Variants in MSH6 observed in about 807,000 individuals in gnomAD.
MSH6 encodes DNA mismatch repair protein Msh6.
In MSH6, 85 loss-of-function variants were observed where a neutral mutation model predicts 119.1. The ratio of observed to expected loss-of-function variants is 0.71; its 90% CI spans 0.60 to 0.85. MSH6 has a LOEUF of 0.85. MSH6 is among the 40% of genes least tolerant of loss of function. MSH6 has a pLI of 0.00. For synonymous variants in MSH6, 830 were observed against 586.9 expected, an observed-to-expected ratio of 1.41 and a Z score of -5.99; for missense variants, 2,163 against 1,655.3, an observed-to-expected ratio of 1.31 and a Z score of -5.32.
chr2:47,806,156 GTTTTAATTCC>G, intron 7 of MSH6, 38 bp from the exon 8 acceptor site: 3 of 1,463,252 alleles, frequency 2.1e-6, no homozygotes, highest in Non-Finnish European at 2.9e-6. Flanking sequence ...TTCCTTTTTT[GTTTTAATTCC>G]TTTGAGTTAC....
intron 5 of MSH6, 125 bp from the exon 6 acceptor site, chr2:47,804,785 C>A: frequency 3.8e-6 from 3 of 781,458 alleles, no homozygotes; most frequent in South Asian, 2.8e-5. Context: ...ACAGAACCAA[C>A]GTACATGTGA....
At chr2:47,792,076 C>T (rs1668762845) in intron 2 of MSH6, among the ~76,000 whole-genome samples, 1 of 152,132 alleles carries the variant, frequency 6.6e-6, no homozygotes. Flanking sequence ...GAACTGCTGA[C>T]CTCCAGTAAT....
rs184571812 is a variant in MSH6, at chr2:47,806,894, G to A, written c.*34G>A. 8 of 1,455,390 alleles carry A rather than the reference G, an allele frequency of 5.5e-6. No individual in the cohort carries two copies. The East Asian group carries it at 6.8e-5, about 12-fold the overall frequency. The allele number at this position is 1,455,390 out of a possible 1,614,324, so 90.2% of individuals were successfully genotyped here. A position where few individuals can be genotyped will look rare whatever the true frequency, so the allele number is the denominator to read the frequency against. On this transcript the variant is annotated 3_prime_UTR_variant, in exon 10 of 10. Transcript: ENST00000234420. ...CATTGGAAGCTTTGAGTTGACTTCTGACAAAGGTGGTAAATTCAGACAACA... is the reference window on the plus strand; with the variant it reads ...CATTGGAAGCTTTGAGTTGACTTCTAACAAAGGTGGTAAATTCAGACAACA...
At chr2:47,804,889 C>G (rs1669862692) in intron 5 of MSH6, 21 bp from the exon 6 acceptor site, 6 of 1,581,624 alleles carry the variant, frequency 3.8e-6, no homozygotes, top group Non-Finnish European at 5.2e-6. Flanking sequence ...CATAAAAGAC[C>G]TTTTCCTCCC....
At chr2:47,787,138 A>C (rs1227744746) in intron 1 of MSH6, among the ~76,000 whole-genome samples, 2 of 152,220 alleles carry the variant, frequency 1.3e-5, no homozygotes, top group Admixed American at 1.3e-4. Flanking sequence ...AAAATAAGAA[A>C]ATTAGCCAGG....
At chr2:47,805,822 G>C in intron 7 of MSH6, 115 bp downstream of exon 7, 3 of 863,170 alleles carry the variant, frequency 3.5e-6, no homozygotes, top group Non-Finnish European at 5.8e-6. Flanking sequence ...TGTTTTTAGA[G>C]CACGCACTCA....
At chr2:47,795,415 T>A (rs571111047) in intron 2 of MSH6, among the ~76,000 whole-genome samples, 1 of 142,742 alleles carries the variant, frequency 7.0e-6, no homozygotes, top group Non-Finnish European at 1.6e-5. Context: ...AGCCAACAAG[T>A]TATTTTATGT....
At chr2:47,809,092 G>C, downstream of MSH6, 1 of 981,152 alleles carries the variant, frequency 1.0e-6, no homozygotes, top group South Asian at 1.5e-5. Context: ...AAAATGCTAG[G>C]CATTGCTAAT....
downstream of MSH6, chr2:47,809,222 T>C (rs200771165): frequency 3.1e-4 from 494 of 1,606,812 alleles, no homozygotes; most frequent in Middle Eastern, 6.3e-3. Flanking sequence ...TGGCCTCTAC[T>C]AACAGCCTTT....
At chr2:47,783,534 G>GT (rs764453419) in intron 1 of MSH6, 41 bp downstream of exon 1, 4 of 1,406,062 alleles carry the variant, frequency 2.8e-6, no homozygotes, top group Admixed American at 6.4e-5. Context: ...GGGCATAGCG[G>GT]CGGGGCGCTT....
intron 7 of MSH6, 56 bp from the exon 8 acceptor site, chr2:47,806,148 C>G (rs1670026232): frequency 1.6e-6 from 2 of 1,263,668 alleles, no homozygotes; most frequent in Non-Finnish European, 2.2e-6. Flanking sequence ...TGTTTTAATT[C>G]CTTTTTTGTT....
rs1252307154 is a variant in MSH6, at chr2:47,791,841, C to CTA, written c.457+730_457+731dup. On this transcript the variant is annotated intron_variant, in intron 2 of 9. Transcript: ENST00000234420. ...TATAGGCACACGCCACGTTGCCTGGCTATATATATATATTTTTTTTTTGAG... is the reference window on the plus strand; with the variant it reads ...TATAGGCACACGCCACGTTGCCTGGCTATATATATATATATTTTTTTTTTGAG... 6.0e-5 allele frequency among the ~76,000 whole-genome samples: 9 copies of CTA among 150,794 alleles called. No homozygotes were observed. In the East Asian group the frequency reaches 7.8e-4, roughly 13 times the overall value.
At position 47,783,993 on chromosome 2, in the gene MSH6, C is replaced by A. The variant is rs142624180; in HGVS notation, c.260+500C>A. ...TGGGGTGCGAAAGGAGGTTCCTCGGCCGGCGCGGAGATAGTGAGTTGGGGC... is the reference window on the plus strand; with the variant it reads ...TGGGGTGCGAAAGGAGGTTCCTCGGACGGCGCGGAGATAGTGAGTTGGGGC... On this transcript the variant is annotated intron_variant, in intron 1 of 9. Transcript: ENST00000234420. 1.2e-4 allele frequency: 123 copies of A among 1,030,158 alleles called. No homozygotes were observed. In the African/African-American group the frequency reaches 1.8e-3, roughly 15 times the overall value. 63.8% of individuals were successfully genotyped at this position (1,030,158 alleles called of 1,614,324 possible). A position where few individuals can be genotyped will look rare whatever the true frequency, so the allele number is the denominator to read the frequency against.
At chr2:47,796,457 G>C (rs1572716988) in intron 3 of MSH6, among the ~76,000 whole-genome samples, 1 of 152,250 alleles carries the variant, frequency 6.6e-6, no homozygotes, top group East Asian at 1.9e-4. Flanking sequence ...GCCCAGGCTG[G>C]TCTCAAACTC....
chr2:47,786,521 G>A (rs1187709726), intron 1 of MSH6, among the ~76,000 whole-genome samples: 1 of 94 alleles, frequency 0.011, no homozygotes, highest in East Asian at 0.12. Context: ...TTATAGTAGA[G>A]ACGGGTTTCA....
chr2:47,804,995 C>CTAGA lies in MSH6; in HGVS notation c.3525_3528dup (p.Leu1177Ter). 1 of 1,613,944 alleles carries CTAGA rather than the reference C, an allele frequency of 6.2e-7. No homozygotes were observed. Among genetic ancestry groups the CTAGA allele is most frequent in the Non-Finnish European group, 8.5e-7 (1 of 1,179,860 alleles). On this transcript the variant is annotated frameshift_variant, in exon 6 of 10. Coordinates refer to ENST00000234420, the MANE Select transcript of MSH6 (RefSeq NM_000179.3). LOFTEE classifies it high-confidence loss of function. ...CTCACACCAATTGATAGAGTGTTTA[C>CTAGA]TAGACTTGGTGCCTCAGACAGAATA...
chr2:47,799,546 A>G lies in MSH6; in HGVS notation c.1563A>G (p.Thr521=), dbSNP rs1553412952. The change falls in exon 4 of 10, where the codon ACA becomes ACG. Residue 521 remains threonine, a synonymous_variant. Coordinates refer to ENST00000234420, the MANE Select transcript of MSH6 (RefSeq NM_000179.3). The part of the protein sequence containing the change: ...REICRIITKG[T]QTYSVLEGDP... ...TCTGTAGGATCATTACCAAGGGTAC[A>G]CAGACTTACAGTGTGCTGGAAGGTG... 1 of 1,614,092 alleles carries G rather than the reference A, an allele frequency of 6.2e-7. No individual in the cohort carries two copies. Among genetic ancestry groups the G allele is most frequent in the African/African-American group, 1.3e-5 (1 of 74,936 alleles).
At position 47,783,228 on chromosome 2, in the gene MSH6, G is replaced by C. The variant is rs730881822; in HGVS notation, c.-6G>C. The C allele has an allele frequency of 1.9e-6, 3 of 1,611,184 alleles. No homozygotes were observed. In the East Asian group the frequency reaches 6.7e-5, roughly 36 times the overall value. ...ACAGAACGGTTGGGCCTTGCCGGCT[G>C]TCGGTATGTCGCGACAGAGCACCCT... On this transcript the variant is annotated 5_prime_UTR_variant, in exon 1 of 10. Transcript: ENST00000234420.
At chr2:47,809,895 A>T (rs946366492), downstream of MSH6, 3 of 542,840 alleles carry the variant, frequency 5.5e-6, no homozygotes, top group African/African-American at 5.8e-5. Flanking sequence ...GACTATGGTC[A>T]AAACTGCAAT....
Sources: gnomAD v4.1 joint callset for allele counts (sites outside exome capture counted in the v4.1 genomes callset) on GRCh38, gnomAD v4.1.1 for gene constraint, MANE v1.5 for transcripts, NCBI Gene and HGNC (gene_info 2026-07-23, HGNC 2026-07-21) for gene names.